The following GPC5 variants were observed in gnomAD, a reference collection of about 807,000 sequenced individuals.
GPC5 encodes glypican 5.
A neutral mutation model predicts 53.9 loss-of-function variants in GPC5; 47 were observed. That is an observed-to-expected ratio of 0.87 (90% CI 0.69 to 1.11). GPC5 has a LOEUF of 1.11. Among genes scored for constraint, GPC5 ranks in the 50% most tolerant of loss-of-function variants. The pLI, the probability that GPC5 is intolerant of heterozygous loss-of-function variation, is 0.00. For missense variants in GPC5, 748 were observed against 713.1 expected (o/e 1.05, Z -0.56); for synonymous variants, 286 against 263.3 (o/e 1.09, Z -0.84).
chr13:91,736,315 C>A (rs2036814465), intron 4 of GPC5, among the ~76,000 whole-genome samples: 1 of 151,200 alleles, frequency 6.6e-6, no homozygotes, highest in Non-Finnish European at 1.5e-5. Flanking sequence ...TTAACACACA[C>A]AATTATTTTA....
intron 7 of GPC5, among the ~76,000 whole-genome samples, chr13:92,232,973 A>G (rs898701244): frequency 2.6e-5 from 4 of 152,218 alleles, no homozygotes; most frequent in East Asian, 1.9e-4. Context: ...TTCAAAAATT[A>G]CTTGAACAAA....
At chr13:92,851,724 G>GAA (rs535451701) in intron 7 of GPC5, among the ~76,000 whole-genome samples, 1 of 134,130 alleles carries the variant, frequency 7.5e-6, no homozygotes, top group Non-Finnish European at 1.6e-5. Context: ...TACTAAAAAT[G>GAA]AAAAAAAAAA....
At chr13:92,264,414 G>A (rs184577262) in intron 7 of GPC5, among the ~76,000 whole-genome samples, 1 of 152,058 alleles carries the variant, frequency 6.6e-6, no homozygotes, top group Non-Finnish European at 1.5e-5. Flanking sequence ...TTGCTTTAAG[G>A]TGTTTTCCCA....
rs1013880371 is a variant in GPC5, at chr13:91,900,338, T to C, written c.1281-7599T>C. On this transcript the variant is annotated intron_variant, in intron 5 of 7. Transcript: ENST00000377067. ...AAATAGCATATTTACTTTCATATGT[T>C]GGTATCAAACAGTGAAGTGAGACAG... 7.6e-4 allele frequency among the ~76,000 whole-genome samples: 115 copies of C among 152,132 alleles called. 2 individuals are homozygous for C. Among genetic ancestry groups the C allele is most frequent in the Non-Finnish European group, 2.5e-4 (17 of 68,012 alleles).
At chr13:91,623,102 C>T (rs1297810854) in intron 2 of GPC5, among the ~76,000 whole-genome samples, 2 of 152,038 alleles carry the variant, frequency 1.3e-5, no homozygotes, top group African/African-American at 4.8e-5. Flanking sequence ...CTGTATCTGC[C>T]TGTCATCTAT....
At chr13:91,616,620 A>T (rs1236285945) in intron 2 of GPC5, among the ~76,000 whole-genome samples, 1 of 152,020 alleles carries the variant, frequency 6.6e-6, no homozygotes, top group East Asian at 1.9e-4. Context: ...TTCTGATTTC[A>T]GTGTCACTTT....
chr13:91,412,499 G>A (rs938349908), intron 1 of GPC5, among the ~76,000 whole-genome samples: 4 of 152,154 alleles, frequency 2.6e-5, no homozygotes, highest in African/African-American at 9.7e-5. Context: ...CAAAAGGTTA[G>A]CATCCTTAAT....
At chr13:92,835,507 T>A (rs1313246706) in intron 7 of GPC5, among the ~76,000 whole-genome samples, 1 of 152,042 alleles carries the variant, frequency 6.6e-6, no homozygotes, top group African/African-American at 2.4e-5. Context: ...GGTTGGCTCC[T>A]ATTCATTACT....
At chr13:92,682,728 CG>C (rs1887146867) in intron 7 of GPC5, among the ~76,000 whole-genome samples, 1 of 152,104 alleles carries the variant, frequency 6.6e-6, no homozygotes, top group Non-Finnish European at 1.5e-5. Context: ...TTATCGGACA[CG>C]GGTTGTATAC....
In GPC5 at chr13:92,403,621, T is replaced by C. The variant is rs550090522; in HGVS notation, c.1561+258632T>C. 5.5e-4 allele frequency among the ~76,000 whole-genome samples: 84 copies of C among 152,330 alleles called. 2 individuals carry two copies. The South Asian group carries it at 0.017, about 32-fold the overall frequency. On this transcript the variant is annotated intron_variant, in intron 7 of 7. Coordinates refer to ENST00000377067, the MANE Select transcript of GPC5 (RefSeq NM_004466.6). ...CCCCAACAGTCTGTGGAAAATTATC[T>C]TCTATGAAATTGGTCCTTGGTGCCA...
intron 7 of GPC5, among the ~76,000 whole-genome samples, chr13:92,288,230 T>G (rs1188585230): frequency 6.6e-6 from 1 of 152,220 alleles, no homozygotes; most frequent in Non-Finnish European, 1.5e-5. Context: ...GAAATTGTTT[T>G]TCTAATATGA....
rs1286526335 is a variant in GPC5, at chr13:92,192,026, T to C, written c.1561+47037T>C. Among the ~76,000 whole-genome samples the C allele has an allele frequency of 2.0e-5, 3 of 152,146 alleles. 1 individual carries two copies. The highest frequency in any genetic ancestry group is 6.3e-3 in the Middle Eastern group (2 of 316). ...TAGGGACTGTCTGTATATAATATTC[T>C]GGAAAAGGAAAAATTATGGTGACAG... On this transcript the variant is annotated intron_variant, in intron 7 of 7. Transcript: ENST00000377067.
chr13:92,846,049 T>G (rs2138838877), intron 7 of GPC5, among the ~76,000 whole-genome samples: 1 of 152,238 alleles, frequency 6.6e-6, no homozygotes, highest in South Asian at 2.1e-4. Flanking sequence ...CGAGACTGGG[T>G]AATTTACAAA....
intron 7 of GPC5, among the ~76,000 whole-genome samples, chr13:92,355,342 C>A (rs1328450383): frequency 1.3e-5 from 2 of 151,874 alleles, no homozygotes; most frequent in African/African-American, 4.8e-5. Flanking sequence ...TCTGAGGAAA[C>A]CTCATCTGAA....
intron 5 of GPC5, among the ~76,000 whole-genome samples, chr13:91,898,169 A>T (rs2039462982): frequency 6.6e-6 from 1 of 152,210 alleles, no homozygotes; most frequent in African/African-American, 2.4e-5. Context: ...AAAGCATCCT[A>T]TAAGAAAAGA....
At chr13:92,839,555 T>G (rs898424948) in intron 7 of GPC5, among the ~76,000 whole-genome samples, 1 of 152,142 alleles carries the variant, frequency 6.6e-6, no homozygotes, top group Non-Finnish European at 1.5e-5. Context: ...CATGTGGTAT[T>G]TGATTTTCTG....
intron 7 of GPC5, among the ~76,000 whole-genome samples, chr13:92,532,322 C>T (rs569282287): frequency 2.3e-4 from 35 of 152,142 alleles, no homozygotes; most frequent in Non-Finnish European, 3.8e-4. Context: ...GTGAACTAGA[C>T]ATTGATGATT....
chr13:91,866,886 A>G (rs1274993766), intron 5 of GPC5, among the ~76,000 whole-genome samples: 1 of 152,202 alleles, frequency 6.6e-6, no homozygotes, highest in Non-Finnish European at 1.5e-5. Context: ...TATTTTTGGA[A>G]ACTACCAGCT....
At chr13:92,608,817 G>A (rs1399765611) in intron 7 of GPC5, among the ~76,000 whole-genome samples, 1 of 152,084 alleles carries the variant, frequency 6.6e-6, no homozygotes, top group Non-Finnish European at 1.5e-5. Flanking sequence ...TTAGCTCTGT[G>A]CACACTGCCT....
Sources: allele counts gnomAD v4.1 joint callset (sites outside exome capture counted in the v4.1 genomes callset), GRCh38; gene constraint gnomAD v4.1.1; transcripts MANE v1.5; gene names NCBI Gene and HGNC (gene_info 2026-07-23, HGNC 2026-07-21).